The following IGSF10 variants were observed in gnomAD, a reference collection of about 807,000 sequenced individuals.
The protein encoded by IGSF10 is immunoglobulin superfamily member 10.
Under a neutral mutation model 128.2 loss-of-function variants are expected in IGSF10, and 126 were observed. The ratio of observed to expected loss-of-function variants is 0.98; its 90% CI spans 0.85 to 1.14. The LOEUF is 1.14. Among genes scored for constraint, IGSF10 ranks in the 50% most tolerant of loss-of-function variants. The probability of loss-of-function intolerance (pLI) is 0.00; values close to 1 mark genes in which losing one functional copy is unlikely to be tolerated. For synonymous variants in IGSF10, 1,185 were observed against 1,146.2 expected (o/e 1.03, Z -0.68); for missense variants, 3,295 against 3,149.8 (o/e 1.05, Z -1.10).
chr3:151,472,323 A>G, the IGSF10 span, among the ~76,000 whole-genome samples: 2 of 152,182 alleles, frequency 1.3e-5, no homozygotes, highest in East Asian at 3.8e-4. Flanking sequence ...AGGCCTTCCA[A>G]TGTAGTAAAG....
chr3:151,517,103 G>A, the IGSF10 span, among the ~76,000 whole-genome samples: 1 of 152,002 alleles, frequency 6.6e-6, no homozygotes. Flanking sequence ...TTCATGATAA[G>A]TTCTATAGTA....
rs1721293006 is a variant in IGSF10, at chr3:151,447,874, G to A, written c.2107C>T (p.Leu703=). 3 of 1,613,970 alleles carry A rather than the reference G, an allele frequency of 1.9e-6. No individual in the cohort carries two copies. In the South Asian group the frequency reaches 3.3e-5, roughly 18 times the overall value. ...PPGAQLRTSA[L]MEAEVGKHTS... ...TGTTTTCCAACCTCAGCCTCCATCA[G>A]AGCAGATGTACGGAGTTGTGCACCT... is the stretch of plus-strand genomic sequence containing the variant. Residue 703 remains leucine (L), a synonymous_variant, in exon 6 of 8, where the codon CTG becomes TTG. Transcript: ENST00000282466.
At chr3:151,619,237 C>T in the IGSF10 span, among the ~76,000 whole-genome samples, 2 of 152,078 alleles carry the variant, frequency 1.3e-5, no homozygotes, top group East Asian at 3.8e-4. Context: ...TTATTATTCG[C>T]TTATCCATTG....
chr3:151,609,892 C>T, the IGSF10 span, among the ~76,000 whole-genome samples: 5 of 152,066 alleles, frequency 3.3e-5, no homozygotes, highest in Admixed American at 2.6e-4. Context: ...GTACTATGCT[C>T]ATTACCTGGG....
intron 1 of IGSF10, 71 bp from the exon 2 acceptor site, chr3:151,460,418 T>A: frequency 2.7e-6 from 1 of 369,174 alleles, no homozygotes; most frequent in Non-Finnish European, 3.7e-6. Flanking sequence ...CAGCCAGGAG[T>A]AATGCTCTTC....
chr3:151,542,169 A>G, the IGSF10 span, among the ~76,000 whole-genome samples: 9 of 152,156 alleles, frequency 5.9e-5, no homozygotes, highest in South Asian at 8.3e-4. Context: ...AAACATTTCA[A>G]AATAAATCCA....
chr3:151,463,536 T>TG (rs1560185502), upstream of IGSF10, among the ~76,000 whole-genome samples: 130 of 14,294 alleles, frequency 9.1e-3, 1 homozygote, highest in Middle Eastern at 0.1. Context: ...TTTTTTTTTT[T>TG]TTTTTTTTTT....
the IGSF10 span, among the ~76,000 whole-genome samples, chr3:151,592,672 G>C: frequency 1.3e-5 from 2 of 152,272 alleles, no homozygotes; most frequent in Admixed American, 1.3e-4. Flanking sequence ...TTTGGGTAAA[G>C]AGTGCTCAAA....
chr3:151,584,907 G>C, the IGSF10 span, among the ~76,000 whole-genome samples: 1 of 152,158 alleles, frequency 6.6e-6, no homozygotes, highest in Non-Finnish European at 1.5e-5. Flanking sequence ...ACCAAGTAAC[G>C]GGCAATAGGG....
At chr3:151,516,193 C>G in the IGSF10 span, among the ~76,000 whole-genome samples, 1 of 151,962 alleles carries the variant, frequency 6.6e-6, no homozygotes, top group African/African-American at 2.4e-5. Flanking sequence ...CCTCCATATT[C>G]TTAGAACTGT....
chr3:151,436,512 A>C lies in IGSF10; in HGVS notation c.*177T>G. The C allele has an allele frequency of 2.0e-6, 1 of 501,866 alleles. No homozygotes were observed. The highest frequency in any genetic ancestry group is 3.4e-6 in the Non-Finnish European group (1 of 291,006). 31.1% of individuals were successfully genotyped at this position (501,866 alleles called of 1,614,324 possible). The stretch of plus-strand genomic sequence containing the variant: ...AGTTTGTTTTGAGATCCATTAAATA[A>C]ATCAGTATCATCAGTTCATAATGCA... On this transcript the variant is annotated 3_prime_UTR_variant, in exon 8 of 8. Transcript: ENST00000282466.
At chr3:151,586,006 G>T in the IGSF10 span, among the ~76,000 whole-genome samples, 1 of 150,486 alleles carries the variant, frequency 6.6e-6, no homozygotes, top group South Asian at 2.1e-4. Flanking sequence ...TTGAGACAGG[G>T]TCTCACTCTG....
Position 151,447,578 on chromosome 3 carries a change from A to G in IGSF10, c.2403T>C (p.Ala801=). The change falls in exon 6 of 8, where the codon GCT becomes GCC. Residue 801 remains alanine (A), a synonymous_variant. Coordinates refer to ENST00000282466, the MANE Select transcript of IGSF10 (RefSeq NM_178822.5). ...GEEDDSSGML[A]LHEEFMVPAT... is the part of the protein sequence containing the mutation. ...CCGGGACCATAAATTCCTCATGTAG[A>G]GCGAGCATGCCTGAGGAATCGTCTT... 1 of 1,614,136 alleles carries G rather than the reference A, an allele frequency of 6.2e-7. No homozygotes were observed. Among genetic ancestry groups the G allele is most frequent in the East Asian group, 2.2e-5 (1 of 44,880 alleles).
chr3:151,489,917 CT>C, the IGSF10 span, among the ~76,000 whole-genome samples: 3,025 of 152,114 alleles, frequency 0.02, 75 homozygotes, highest in East Asian at 0.062. Flanking sequence ...ACGTCTATAC[CT>C]ATGTAATGAA....
At position 151,443,584 on chromosome 3, in the gene IGSF10, G is replaced by C. The variant is rs201090385; in HGVS notation, c.5363C>G (p.Ser1788Ter). ...CTGCCTACTTCCCTGGGATGATTCT[G>C]AGACAACTGTTTGGTTTGCAAGAAT... ...TWILANQTVV[S>*]ESSQGSRQAV... The change falls in exon 7 of 8, where the codon TCA (serine) becomes TGA (stop). Residue 1788 changes from serine to a stop codon, truncating the protein, a stop_gained. Coordinates refer to ENST00000282466, the MANE Select transcript of IGSF10 (RefSeq NM_178822.5). LOFTEE classifies it high-confidence loss of function. 289 of 1,614,226 alleles carry C rather than the reference G, an allele frequency of 1.8e-4. No individual in the cohort carries two copies. Among genetic ancestry groups the C allele is most frequent in the Non-Finnish European group, 4.3e-5 (51 of 1,180,048 alleles).
chr3:151,554,683 C>A, the IGSF10 span, among the ~76,000 whole-genome samples: 1 of 152,050 alleles, frequency 6.6e-6, no homozygotes, highest in Non-Finnish European at 1.5e-5. Context: ...TTCATACAAT[C>A]TTTGAATTGT....
chr3:151,526,785 T>C, the IGSF10 span, among the ~76,000 whole-genome samples: 1 of 152,220 alleles, frequency 6.6e-6, no homozygotes, highest in Non-Finnish European at 1.5e-5. Context: ...CCTTAATGTT[T>C]TTGGCCTCAT....
upstream of IGSF10, among the ~76,000 whole-genome samples, chr3:151,463,531 T>TG (rs1722148321): frequency 1.6e-5 from 1 of 61,734 alleles, no homozygotes; most frequent in African/African-American, 7.8e-5. Flanking sequence ...TGGTTTTTTT[T>TG]TTTTTTTTTT....
chr3:151,616,192 G>A, the IGSF10 span, among the ~76,000 whole-genome samples: 4 of 151,760 alleles, frequency 2.6e-5, no homozygotes, highest in African/African-American at 9.7e-5. Context: ...TCGAACTCCC[G>A]ACCTCAGGAA....
Sources: allele counts gnomAD v4.1 joint callset (sites outside exome capture counted in the v4.1 genomes callset), GRCh38; gene constraint gnomAD v4.1.1; transcripts MANE v1.5; gene names NCBI Gene and HGNC (gene_info 2026-07-23, HGNC 2026-07-21).